Variants in TMEFF2 observed in about 807,000 individuals in gnomAD.
The protein encoded by TMEFF2 is tomoregulin-2.
In TMEFF2, 28 loss-of-function variants were observed where a neutral mutation model predicts 53.8. That is an observed-to-expected ratio of 0.52 (90% CI 0.39 to 0.71). The LOEUF is 0.71. Among genes scored for constraint, TMEFF2 ranks in the 30% least tolerant of loss-of-function variants. TMEFF2 has a pLI of 0.00. For synonymous variants in TMEFF2, 162 were observed against 166.3 expected, an observed-to-expected ratio of 0.97 and a Z score of 0.20; for missense variants, 353 against 455.2, an observed-to-expected ratio of 0.78 and a Z score of 2.04.
At chr2:192,123,035 C>T (rs1403470634) in intron 4 of TMEFF2, among the ~76,000 whole-genome samples, 2 of 152,164 alleles carry the variant, frequency 1.3e-5, no homozygotes, top group African/African-American at 4.8e-5. Context: ...ATTAAAACAA[C>T]TTATCCTGTA....
At chr2:192,069,763 T>G (rs1688243843) in intron 4 of TMEFF2, among the ~76,000 whole-genome samples, 1 of 151,686 alleles carries the variant, frequency 6.6e-6, no homozygotes. Context: ...TGCAAAGAGA[T>G]AAATTTTTAA....
intron 4 of TMEFF2, among the ~76,000 whole-genome samples, chr2:192,127,383 G>A (rs1489845896): frequency 1.3e-5 from 2 of 152,188 alleles, no homozygotes; most frequent in African/African-American, 2.4e-5. Flanking sequence ...ACTCAATGGT[G>A]TTAGAATATT....
intron 2 of TMEFF2, among the ~76,000 whole-genome samples, chr2:192,189,438 G>T (rs929753050): frequency 1.3e-5 from 2 of 150,896 alleles, no homozygotes; most frequent in Non-Finnish European, 2.9e-5. Flanking sequence ...CCAGCTACTC[G>T]GGAGGCTGAG....
chr2:191,990,779 T>A (rs1559074579), intron 7 of TMEFF2, among the ~76,000 whole-genome samples: 1 of 151,944 alleles, frequency 6.6e-6, no homozygotes, highest in Non-Finnish European at 1.5e-5. Context: ...TGTGTGTGTG[T>A]GTGTGTGTGT....
chr2:192,063,037 C>A (rs1559109841), intron 4 of TMEFF2, among the ~76,000 whole-genome samples: 1 of 150,566 alleles, frequency 6.6e-6, no homozygotes, highest in Non-Finnish European at 1.5e-5. Context: ...GGCTATTTCA[C>A]TTTTTTTATT....
intron 7 of TMEFF2, among the ~76,000 whole-genome samples, chr2:191,962,061 T>TAAC (rs1692289798): frequency 6.6e-6 from 1 of 152,202 alleles, no homozygotes; most frequent in South Asian, 2.1e-4. Context: ...GACCCAGTCA[T>TAAC]AACATTCTTG....
At chr2:192,119,329 A>G (rs1689490510) in intron 4 of TMEFF2, among the ~76,000 whole-genome samples, 1 of 152,224 alleles carries the variant, frequency 6.6e-6, no homozygotes, top group Non-Finnish European at 1.5e-5. Flanking sequence ...ATTCTTTATC[A>G]TTGAAATTAA....
At chr2:192,119,203 T>C (rs1689487362) in intron 4 of TMEFF2, among the ~76,000 whole-genome samples, 2 of 152,240 alleles carry the variant, frequency 1.3e-5, no homozygotes, top group Non-Finnish European at 1.5e-5. Flanking sequence ...ATTGATAAAA[T>C]CCAAAATATA....
At chr2:192,079,335 G>A (rs953038224) in intron 4 of TMEFF2, among the ~76,000 whole-genome samples, 1 of 152,122 alleles carries the variant, frequency 6.6e-6, no homozygotes, top group Non-Finnish European at 1.5e-5. Flanking sequence ...ATAGTTTTCG[G>A]ACCTGCAGCA....
At chr2:191,961,513 T>TC (rs11453592) in intron 7 of TMEFF2, among the ~76,000 whole-genome samples, 115,686 of 152,014 alleles carry the variant, frequency 0.76, 44,172 homozygotes, top group East Asian at 0.94. Flanking sequence ...AATTTTACCC[T>TC]CCCCGACTTA....
intron 7 of TMEFF2, among the ~76,000 whole-genome samples, chr2:191,988,777 G>A (rs1416672166): frequency 7.2e-6 from 1 of 139,288 alleles, no homozygotes; most frequent in African/African-American, 2.7e-5. Context: ...AGATGTGAAA[G>A]AAAGATTAAG....
At chr2:192,131,598 G>A (rs1689831317) in intron 4 of TMEFF2, among the ~76,000 whole-genome samples, 1 of 151,360 alleles carries the variant, frequency 6.6e-6, no homozygotes, top group Non-Finnish European at 1.5e-5. Flanking sequence ...TTATTTCCGT[G>A]CCCCAACACT....
intron 4 of TMEFF2, among the ~76,000 whole-genome samples, chr2:192,129,522 G>C (rs1319211171): frequency 6.6e-6 from 1 of 152,078 alleles, no homozygotes; most frequent in African/African-American, 2.4e-5. Context: ...CCCATGCAGT[G>C]GAACAAGAGT....
chr2:192,177,519 T>G (rs970841863), intron 4 of TMEFF2: 6 of 151,050 alleles, frequency 4.0e-5, no homozygotes, highest in Non-Finnish European at 5.9e-5. Context: ...TTGTATGCAA[T>G]TAGGAGCAAA....
intron 5 of TMEFF2, among the ~76,000 whole-genome samples, chr2:192,032,864 G>T (rs1687176343): frequency 6.6e-6 from 1 of 152,098 alleles, no homozygotes; most frequent in Non-Finnish European, 1.5e-5. Flanking sequence ...GTGAACAATT[G>T]CTGTTAATTT....
chr2:192,080,074 T>G (rs146498724), intron 4 of TMEFF2, among the ~76,000 whole-genome samples: 2 of 152,326 alleles, frequency 1.3e-5, no homozygotes, highest in African/African-American at 4.8e-5. Context: ...CAATGTAAAT[T>G]AAGGCATATT....
rs1400589233 is a variant in TMEFF2 at position 192,194,319 on chromosome 2, G to A, written c.172+34C>T. ...CTGGATACGCGTGTTCTTCTGCGGA[G>A]TTAAAGGGTCGGGGACGGGGGTTCT... On this transcript the variant is annotated intron_variant, in intron 1 of 9. Coordinates refer to ENST00000272771, the MANE Select transcript of TMEFF2 (RefSeq NM_016192.4). This position sits in a 1 kb window ranked among gnomAD's most constrained non-coding sequence, Gnocchi z 4.2. 1.9e-6 allele frequency: 3 copies of A among 1,610,720 alleles called. No homozygotes were observed. The highest frequency in any genetic ancestry group is 3.3e-5 in the Admixed American group (2 of 59,870).
chr2:192,035,043 T>C (rs1009946166), intron 5 of TMEFF2, among the ~76,000 whole-genome samples: 1 of 152,218 alleles, frequency 6.6e-6, no homozygotes, highest in African/African-American at 2.4e-5. Flanking sequence ...GTCACAGGAT[T>C]CAATTTCACT....
At chr2:192,091,520 A>T (rs1278826380) in intron 4 of TMEFF2, among the ~76,000 whole-genome samples, 1 of 152,188 alleles carries the variant, frequency 6.6e-6, no homozygotes, top group East Asian at 1.9e-4. Context: ...TCTGCAATCA[A>T]GTAAGAAGCT....
Sources: allele counts gnomAD v4.1 joint callset (sites outside exome capture counted in the v4.1 genomes callset), GRCh38; gene constraint gnomAD v4.1.1; non-coding constraint Gnocchi (gnomAD v3.1); transcripts MANE v1.5; gene names NCBI Gene and HGNC (gene_info 2026-07-23, HGNC 2026-07-21).